The following CFHR5 variants were observed in gnomAD, a reference collection of about 807,000 sequenced individuals.
CFHR5 encodes the protein complement factor H-related protein 5.
A neutral mutation model predicts 62.9 loss-of-function variants in CFHR5; 73 were observed. The ratio of observed to expected loss-of-function variants is 1.16; its 90% CI spans 0.96 to 1.41. The LOEUF is 1.41. Ranked by LOEUF, CFHR5 falls within the 40% of genes most tolerant of loss-of-function variation. The pLI, the probability that CFHR5 is intolerant of heterozygous loss-of-function variation, is 0.00. For synonymous variants in CFHR5, 249 were observed against 227.2 expected, an observed-to-expected ratio of 1.10 and a Z score of -0.86; for missense variants, 779 against 679.9, an observed-to-expected ratio of 1.15 and a Z score of -1.62.
Position 196,983,953 on chromosome 1 carries a change from T to G in CFHR5, c.254-8T>G, listed in dbSNP as rs114023763. 4,889 of 1,602,342 alleles carry G rather than the reference T, an allele frequency of 3.1e-3. 76 individuals carry two copies. The African/African-American group carries it at 0.045, about 15-fold the overall frequency. ...CATCTTGTACATTAATCAATTTTTG[T>G]TCCTTAGGAATGTGTTCCTTTCCTT... On this transcript the variant is annotated splice_region_variant and splice_polypyrimidine_tract_variant and intron_variant, in intron 2 of 9. Transcript: ENST00000256785.
chr1:196,987,237 G>C (rs1380582968), intron 3 of CFHR5, among the ~76,000 whole-genome samples: 3 of 152,136 alleles, frequency 2.0e-5, no homozygotes, highest in Non-Finnish European at 2.9e-5. Flanking sequence ...ATTTGTTTAA[G>C]TTCTTTGTAG....
At position 197,002,805 on chromosome 1, in the gene CFHR5, G is replaced by A. The variant is rs1013072019; in HGVS notation, c.1330+141G>A. ...CTTAAATTGCTAAGTAACCAATTCTGTCATTTAAAAAAGTTTCTCTAAGAG... is the reference window on the plus strand; with the variant it reads ...CTTAAATTGCTAAGTAACCAATTCTATCATTTAAAAAAGTTTCTCTAAGAG... On this transcript the variant is annotated intron_variant, in intron 8 of 9. Coordinates refer to ENST00000256785, the MANE Select transcript of CFHR5 (RefSeq NM_030787.4). 32 of 692,882 alleles carry A rather than the reference G, an allele frequency of 4.6e-5. No homozygotes were observed. In the African/African-American group the frequency reaches 5.3e-4, roughly 11 times the overall value. The allele number at this position is 692,882 out of a possible 1,614,324, so 42.9% of individuals were successfully genotyped here.
In CFHR5 at chr1:196,989,864, G is replaced by C. The variant is rs540621802; in HGVS notation, c.431-4216G>C. Reference sequence around the variant, plus strand: ...ATATTCTGTTGATTTGAAGTGGAGAGTTCTGTAGATGTCTATTAGGTCCGC... The same window carrying C: ...ATATTCTGTTGATTTGAAGTGGAGACTTCTGTAGATGTCTATTAGGTCCGC... On this transcript the variant is annotated intron_variant, in intron 3 of 9. Coordinates refer to ENST00000256785, the MANE Select transcript of CFHR5 (RefSeq NM_030787.4). Among the ~76,000 whole-genome samples, 21 of 152,250 alleles carry C rather than the reference G, an allele frequency of 1.4e-4. 1 individual carries two copies. In the East Asian group the frequency reaches 3.7e-3, roughly 27 times the overall value.
upstream of CFHR5, among the ~76,000 whole-genome samples, chr1:196,977,061 C>T (rs1437710487): frequency 6.6e-6 from 1 of 151,914 alleles, no homozygotes; most frequent in Non-Finnish European, 1.5e-5. Flanking sequence ...CCCGCCTCGG[C>T]CTCCCAAAGT....
intron 9 of CFHR5, among the ~76,000 whole-genome samples, chr1:197,005,136 C>T (rs1159079811): frequency 6.6e-6 from 1 of 152,092 alleles, no homozygotes; most frequent in Admixed American, 6.6e-5. Context: ...TAAATTGTTT[C>T]ATGTTATAAG....
intron 3 of CFHR5, among the ~76,000 whole-genome samples, chr1:196,985,754 T>C (rs1170721837): frequency 6.6e-6 from 1 of 152,222 alleles, no homozygotes; most frequent in African/African-American, 2.4e-5. Context: ...TGTAAGATTT[T>C]GTTAGTCTTT....
Position 196,984,060 on chromosome 1 carries a change from A to G in CFHR5, c.353A>G (p.Tyr118Cys), listed in dbSNP as rs1558282765. ...GTACAAATTATTTGCAACACAGGAT[A>G]CAGCCTTCAAAACAATGAGAAAAAC... ...DTVQIICNTG[Y>C]SLQNNEKNIS... The change falls in exon 3 of 10, where the codon TAC becomes TGC. Residue 118 changes from tyrosine to cysteine, a missense_variant. Tyr to Cys is a radical substitution (Grantham distance 194). Coordinates refer to ENST00000256785, the MANE Select transcript of CFHR5 (RefSeq NM_030787.4). 1.2e-6 allele frequency: 2 copies of G among 1,613,740 alleles called. No individual in the cohort carries two copies. Among genetic ancestry groups the G allele is most frequent in the Non-Finnish European group, 8.5e-7 (1 of 1,179,738 alleles).
At chr1:196,985,083 T>C (rs1011530619) in intron 3 of CFHR5, among the ~76,000 whole-genome samples, 11 of 152,228 alleles carry the variant, frequency 7.2e-5, no homozygotes, top group African/African-American at 2.7e-4. Flanking sequence ...TAAATTTTTT[T>C]TCAGTGGGAT....
chr1:196,994,339 C>A, intron 4 of CFHR5, 83 bp downstream of exon 4: 1 of 1,111,326 alleles, frequency 9.0e-7, no homozygotes, highest in Non-Finnish European at 1.4e-6. Flanking sequence ...GCTTATATTA[C>A]ATCTATAATC....
intron 7 of CFHR5, among the ~76,000 whole-genome samples, chr1:196,999,063 A>C (rs1654064872): frequency 6.6e-6 from 1 of 151,986 alleles, no homozygotes; most frequent in Non-Finnish European, 1.5e-5. Context: ...CACAGGAAGG[A>C]TAGGAGTTTA....
In CFHR5 at chr1:196,996,726, T is replaced by A. The variant is rs1653999666; in HGVS notation, c.970+525T>A. ...TAAATTCCAGAGTGTTTGGAATCCC[T>A]TCATAGAAGAAGAGTAGGGGACTAG... is the stretch of plus-strand genomic sequence containing the variant. On this transcript the variant is annotated intron_variant, in intron 6 of 9. Transcript: ENST00000256785. Among the ~76,000 whole-genome samples, 3 of 152,146 alleles carry A rather than the reference T, an allele frequency of 2.0e-5. 1 individual carries two copies. In the South Asian group the frequency reaches 6.2e-4, roughly 31 times the overall value.
chr1:196,976,520 G>C (rs1177673575), upstream of CFHR5, among the ~76,000 whole-genome samples: 1 of 152,136 alleles, frequency 6.6e-6, no homozygotes, highest in African/African-American at 2.4e-5. Flanking sequence ...ATTGGGCTGC[G>C]AGACAGAGGT....
intron 3 of CFHR5, among the ~76,000 whole-genome samples, chr1:196,989,562 A>G (rs1653786033): frequency 6.6e-6 from 1 of 152,194 alleles, no homozygotes; most frequent in Middle Eastern, 3.4e-3. Flanking sequence ...AGATTCTGGT[A>G]AGTTGTGGCT....
intron 7 of CFHR5, among the ~76,000 whole-genome samples, chr1:196,999,714 TATATATATACACACACACAC>T (rs1214536816): frequency 2.1e-5 from 1 of 48,660 alleles, no homozygotes; most frequent in Non-Finnish European, 4.8e-5. Context: ...TATATATATA[TATATATATACACACACACAC>T]ATATATATAC....
At chr1:197,007,451 C>T (rs908596111) in intron 9 of CFHR5, among the ~76,000 whole-genome samples, 5 of 151,630 alleles carry the variant, frequency 3.3e-5, no homozygotes, top group South Asian at 2.1e-4. Flanking sequence ...CTTGTCTACA[C>T]GAACATAAAA....
At chr1:196,980,591 C>CGTGTGTGT (rs57437038) in intron 1 of CFHR5, among the ~76,000 whole-genome samples, 82 of 145,548 alleles carry the variant, frequency 5.6e-4, no homozygotes, top group South Asian at 1.6e-3. Context: ...TGTATATATA[C>CGTGTGTGT]GTGTGTGTGT....
rs1478142999 is a variant in CFHR5, at chr1:196,994,332, TA to T, written c.607+77del. On this transcript the variant is annotated intron_variant, in intron 4 of 9. Transcript: ENST00000256785. ...ATGCCCATATATTTTTATTGGAGCT[TA>T]TATTACATCTATAATCTGACAAAGT... 3.2e-5 allele frequency: 37 copies of T among 1,170,808 alleles called. 1 individual carries two copies. The East Asian group carries it at 8.7e-4, about 28-fold the overall frequency. 72.5% of individuals were successfully genotyped at this position (1,170,808 alleles called of 1,614,324 possible).
chr1:197,007,929 C>T (rs983745401), intron 9 of CFHR5, among the ~76,000 whole-genome samples: 1 of 146,466 alleles, frequency 6.8e-6, no homozygotes, highest in Admixed American at 6.9e-5. Context: ...TTACAATTAA[C>T]ATACATATAA....
rs2125041983 is a variant in CFHR5, at chr1:197,008,922, G to T, written c.*239G>T. The T allele has an allele frequency of 2.3e-6, 1 of 436,552 alleles. No individual in the cohort carries two copies. Among genetic ancestry groups the T allele is most frequent in the Non-Finnish European group, 4.2e-6 (1 of 239,190 alleles). The allele number at this position is 436,552 out of a possible 1,614,324, so 27.0% of individuals were successfully genotyped here. On this transcript the variant is annotated 3_prime_UTR_variant, in exon 10 of 10. Coordinates refer to ENST00000256785, the MANE Select transcript of CFHR5 (RefSeq NM_030787.4). The stretch of plus-strand genomic sequence containing the variant: ...TGTTATAACAGAGTATCACAGACTG[G>T]ATAACTTCTAACCAATAGTTTATTT...
Sources: allele counts gnomAD v4.1 joint callset (sites outside exome capture counted in the v4.1 genomes callset), GRCh38; gene constraint gnomAD v4.1.1; transcripts MANE v1.5; gene names NCBI Gene and HGNC (gene_info 2026-07-23, HGNC 2026-07-21).